PRKN: variants seen among roughly 807,000 people sequenced by gnomAD.
PRKN encodes the protein parkin RBR E3 ubiquitin protein ligase.
A neutral mutation model predicts 59.5 loss-of-function variants in PRKN; 56 were observed. The ratio of observed to expected loss-of-function variants is 0.94; its 90% CI spans 0.76 to 1.18. PRKN has a LOEUF of 1.18. Among genes scored for constraint, PRKN ranks in the 50% most tolerant of loss-of-function variants. The probability of loss-of-function intolerance (pLI) is 0.00; values close to 1 mark genes in which losing one functional copy is unlikely to be tolerated. For synonymous variants in PRKN, 250 were observed against 222.1 expected, an observed-to-expected ratio of 1.13 and a Z score of -1.12; for missense variants, 657 against 596.4, an observed-to-expected ratio of 1.10 and a Z score of -1.06.
chr6:162,415,788 G>A (rs916656919), intron 2 of PRKN, among the ~76,000 whole-genome samples: 1 of 152,134 alleles, frequency 6.6e-6, no homozygotes, highest in African/African-American at 2.4e-5. Context: ...CTGCACTCCA[G>A]CCTGGTGACA....
chr6:162,650,351 A>G (rs1778371376), intron 1 of PRKN, among the ~76,000 whole-genome samples: 1 of 151,912 alleles, frequency 6.6e-6, no homozygotes, highest in Non-Finnish European at 1.5e-5. Flanking sequence ...TAATCCCAGC[A>G]CTTTGGGAGG....
intron 7 of PRKN, chr6:161,716,226 T>A: frequency 1.7e-6 from 1 of 582,224 alleles, no homozygotes; most frequent in South Asian, 1.5e-5. Context: ...GTTGGAGTAA[T>A]ATTCTATTGC....
chr6:162,713,387 G>A (rs546742217), intron 1 of PRKN, among the ~76,000 whole-genome samples: 5 of 151,800 alleles, frequency 3.3e-5, no homozygotes, highest in Non-Finnish European at 5.9e-5. Flanking sequence ...CCAGCTACTC[G>A]GGAGGCTGAG....
At chr6:162,619,553 CA>C (rs1441983947) in intron 1 of PRKN, among the ~76,000 whole-genome samples, 2 of 152,126 alleles carry the variant, frequency 1.3e-5, no homozygotes, top group Non-Finnish European at 2.9e-5. Context: ...ATGACTTTAA[CA>C]CATGCGTATT....
intron 2 of PRKN, among the ~76,000 whole-genome samples, chr6:162,367,709 A>G (rs1389662356): frequency 6.6e-6 from 1 of 152,188 alleles, no homozygotes; most frequent in Non-Finnish European, 1.5e-5. Flanking sequence ...TGTATTAGGT[A>G]CTTCTTAAGA....
At chr6:162,338,490 G>A (rs1021405449) in intron 2 of PRKN, among the ~76,000 whole-genome samples, 5 of 152,216 alleles carry the variant, frequency 3.3e-5, no homozygotes, top group African/African-American at 9.6e-5. Context: ...CTAACCGCGA[G>A]TGATCCGCCA....
chr6:162,659,202 T>A (rs1778785732), intron 1 of PRKN, among the ~76,000 whole-genome samples: 1 of 152,230 alleles, frequency 6.6e-6, no homozygotes, highest in African/African-American at 2.4e-5. Context: ...CATTTCTGGC[T>A]ATGCCTAATT....
intron 1 of PRKN, among the ~76,000 whole-genome samples, chr6:162,601,146 CAT>C (rs572897389): frequency 1.2e-4 from 18 of 152,078 alleles, no homozygotes; most frequent in East Asian, 3.9e-4. Context: ...GAAGGGCACA[CAT>C]GTCAAGAGGG....
chr6:162,168,764 A>C (rs554177184), intron 4 of PRKN, among the ~76,000 whole-genome samples: 1 of 152,232 alleles, frequency 6.6e-6, no homozygotes, highest in South Asian at 2.1e-4. Flanking sequence ...TTGTACACTG[A>C]AAAGTAGCAG....
At chr6:161,945,086 T>G (rs1055867336) in intron 6 of PRKN, among the ~76,000 whole-genome samples, 1 of 147,418 alleles carries the variant, frequency 6.8e-6, no homozygotes, top group African/African-American at 2.5e-5. Context: ...AAGATTGACT[T>G]TAAAGCCTAC....
intron 9 of PRKN, among the ~76,000 whole-genome samples, chr6:161,455,861 CAA>C (rs60382394): frequency 1.1e-3 from 80 of 72,744 alleles, no homozygotes; most frequent in Admixed American, 2.0e-3. Context: ...GACTCCGTCT[CAA>C]AAAAAAAAAA....
rs1336294729 is a variant in PRKN at position 161,532,156 on chromosome 6, CTCTCTCTCTCTATATATA to C, written c.1083+16680_1083+16697del. 1.4e-4 allele frequency among the ~76,000 whole-genome samples: 8 copies of C among 56,350 alleles called. No homozygotes were observed. In the South Asian group the frequency reaches 7.7e-3, roughly 54 times the overall value. 37.0% of individuals were successfully genotyped at this position (56,350 alleles called of 152,430 possible). A position where few individuals can be genotyped will look rare whatever the true frequency, so the allele number is the denominator to read the frequency against. On this transcript the variant is annotated intron_variant, in intron 9 of 11. Coordinates refer to ENST00000366898, the MANE Select transcript of PRKN (RefSeq NM_004562.3). ...TCTGTCTTGCACTCTCTCTCTCTCT[CTCTCTCTCTCTATATATA>C]TATATATATATATATATAATCTATC...
At position 161,530,659 on chromosome 6, in the gene PRKN, G is replaced by A. The variant is rs1224678826; in HGVS notation, c.1083+18195C>T. On this transcript the variant is annotated intron_variant, in intron 9 of 11. Coordinates refer to ENST00000366898, the MANE Select transcript of PRKN (RefSeq NM_004562.3). This position sits in a 1 kb window ranked among gnomAD's most constrained non-coding sequence, Gnocchi z 5.0. Reference sequence around the variant, plus strand: ...GCCTCCCAAGTAGCTGGGATTACAGGCATTTACCACCACGCCTGGCTAATT... The same window carrying A: ...GCCTCCCAAGTAGCTGGGATTACAGACATTTACCACCACGCCTGGCTAATT... 6.6e-6 allele frequency among the ~76,000 whole-genome samples: 1 copy of A among 152,018 alleles called. No homozygotes were observed. Among genetic ancestry groups the A allele is most frequent in the Admixed American group, 6.5e-5 (1 of 15,278 alleles).
chr6:162,623,426 G>T (rs927961442), intron 1 of PRKN, among the ~76,000 whole-genome samples: 1 of 152,160 alleles, frequency 6.6e-6, no homozygotes, highest in East Asian at 1.9e-4. Flanking sequence ...GTTCGTTTGA[G>T]CTTTCTGACA....
intron 5 of PRKN, among the ~76,000 whole-genome samples, chr6:162,035,278 G>C (rs1783796783): frequency 6.6e-6 from 1 of 152,084 alleles, no homozygotes. Flanking sequence ...ATTCACAAAG[G>C]GTCTGTCCCC....
intron 1 of PRKN, among the ~76,000 whole-genome samples, chr6:162,713,298 T>C (rs1260909247): frequency 6.6e-6 from 1 of 151,982 alleles, no homozygotes; most frequent in African/African-American, 2.4e-5. Flanking sequence ...ATCAAGACCA[T>C]CCTGGCTAAC....
At chr6:162,465,147 C>CTTGG (rs1791357273) in intron 1 of PRKN, among the ~76,000 whole-genome samples, 1 of 152,168 alleles carries the variant, frequency 6.6e-6, no homozygotes, top group Admixed American at 6.5e-5. Flanking sequence ...CCAAGCATCA[C>CTTGG]TTCTATGAAC....
At chr6:162,356,198 G>A (rs994125466) in intron 2 of PRKN, among the ~76,000 whole-genome samples, 15 of 152,006 alleles carry the variant, frequency 9.9e-5, no homozygotes, top group Admixed American at 5.3e-4. Flanking sequence ...GCAGGATTAC[G>A]CTATTCAATA....
chr6:161,867,713 C>T (rs1794167594), intron 6 of PRKN, among the ~76,000 whole-genome samples: 1 of 150,148 alleles, frequency 6.7e-6, no homozygotes, highest in Non-Finnish European at 1.5e-5. Flanking sequence ...TATCTGTCAA[C>T]TATTAGCAAT....
Sources: allele counts gnomAD v4.1 joint callset (sites outside exome capture counted in the v4.1 genomes callset), GRCh38; gene constraint gnomAD v4.1.1; non-coding constraint Gnocchi (gnomAD v3.1); transcripts MANE v1.5; gene names NCBI Gene and HGNC (gene_info 2026-07-23, HGNC 2026-07-21).